The following CDK14 variants were observed in gnomAD, a reference collection of about 807,000 sequenced individuals.
CDK14 encodes the protein cyclin-dependent kinase 14.
A neutral mutation model predicts 60.7 loss-of-function variants in CDK14; 34 were observed. The observed-to-expected ratio is 0.56, with a 90% CI of 0.43 to 0.75. The LOEUF (loss-of-function observed/expected upper bound fraction) is 0.75. Among genes scored for constraint, CDK14 ranks in the 30% least tolerant of loss-of-function variants. CDK14 has a pLI of 0.00. For missense variants in CDK14, 482 were observed against 564.1 expected (o/e 0.85, Z 1.47); for synonymous variants, 197 against 203.7 (o/e 0.97, Z 0.28).
chr7:90,818,861 T>C (rs1323921916), intron 5 of CDK14, among the ~76,000 whole-genome samples: 1 of 138,416 alleles, frequency 7.2e-6, no homozygotes, highest in Non-Finnish European at 1.5e-5. Flanking sequence ...ATATTTTCTC[T>C]CTCTCTATGT....
rs181848926 is a variant in CDK14 at position 90,651,214 on chromosome 7, A to T, written c.123+46965A>T. 3.9e-3 allele frequency among the ~76,000 whole-genome samples: 587 copies of T among 152,180 alleles called. 3 individuals carry two copies. Among genetic ancestry groups the T allele is most frequent in the Non-Finnish European group, 6.2e-3 (423 of 67,992 alleles). ...ATTCCTAGGTATTTTATTCTCTTTG[A>T]AGCAATTGTGAATGGGAGTTCACTC... On this transcript the variant is annotated intron_variant, in intron 2 of 14. Transcript: ENST00000380050.
At chr7:90,812,814 G>C (rs1264287663) in intron 5 of CDK14, among the ~76,000 whole-genome samples, 1 of 152,092 alleles carries the variant, frequency 6.6e-6, no homozygotes, top group Non-Finnish European at 1.5e-5. Flanking sequence ...TAGCTGTTGG[G>C]AATATCTGCT....
chr7:90,959,104 A>G (rs1161351499), intron 9 of CDK14, among the ~76,000 whole-genome samples: 2 of 152,156 alleles, frequency 1.3e-5, no homozygotes, highest in East Asian at 3.9e-4. Context: ...CTTTCTGCCA[A>G]TTTGCTTTGA....
intron 4 of CDK14, among the ~76,000 whole-genome samples, chr7:90,778,922 C>T (rs978056322): frequency 8.2e-5 from 12 of 147,114 alleles, no homozygotes; most frequent in Non-Finnish European, 7.4e-5. Context: ...TCTCTCTTTT[C>T]TCTCTTTCTT....
chr7:90,854,471 A>G (rs2117191207), intron 5 of CDK14, among the ~76,000 whole-genome samples: 1 of 152,296 alleles, frequency 6.6e-6, no homozygotes, highest in Non-Finnish European at 1.5e-5. Flanking sequence ...TTGAGGCTGC[A>G]ATGAGCTGTG....
intron 4 of CDK14, among the ~76,000 whole-genome samples, chr7:90,764,365 A>G (rs951453634): frequency 6.6e-6 from 1 of 152,218 alleles, no homozygotes; most frequent in African/African-American, 2.4e-5. Context: ...ATGTGAAAGA[A>G]TTAACAAGGT....
intron 7 of CDK14, among the ~76,000 whole-genome samples, chr7:90,907,708 A>G (rs536279882): frequency 6.6e-6 from 1 of 152,194 alleles, no homozygotes; most frequent in African/African-American, 2.4e-5. Context: ...CATAAAGCTG[A>G]TTCTTATTTT....
chr7:90,797,226 A>G (rs1313454990), intron 5 of CDK14, among the ~76,000 whole-genome samples: 2 of 151,714 alleles, frequency 1.3e-5, no homozygotes, highest in African/African-American at 2.4e-5. Flanking sequence ...GTAAGGTGTC[A>G]TGGCCCTCCA....
At chr7:91,110,596 T>C (rs752210043) in intron 12 of CDK14, among the ~76,000 whole-genome samples, 1 of 152,206 alleles carries the variant, frequency 6.6e-6, no homozygotes, top group Admixed American at 6.5e-5. Context: ...AGTTAAGTAC[T>C]TGTGCACCAA....
chr7:91,133,439 A>G (rs1445306529), intron 14 of CDK14, among the ~76,000 whole-genome samples: 1 of 152,208 alleles, frequency 6.6e-6, no homozygotes, highest in Non-Finnish European at 1.5e-5. Flanking sequence ...AACAGATTAA[A>G]CAAATTATTA....
chr7:91,174,038 C>T (rs965857498), intron 14 of CDK14, among the ~76,000 whole-genome samples: 14 of 152,272 alleles, frequency 9.2e-5, no homozygotes, highest in African/African-American at 2.2e-4. Flanking sequence ...CAGTAACCTC[C>T]GCAGACTTAA....
chr7:90,767,384 A>G (rs1447452154), intron 4 of CDK14, among the ~76,000 whole-genome samples: 2 of 152,070 alleles, frequency 1.3e-5, no homozygotes, highest in Admixed American at 6.5e-5. Context: ...CTCTGTATCC[A>G]TGCTGTTTTT....
chr7:91,150,591 A>T (rs1800803938), intron 14 of CDK14, among the ~76,000 whole-genome samples: 1 of 152,254 alleles, frequency 6.6e-6, no homozygotes, highest in Non-Finnish European at 1.5e-5. Flanking sequence ...TATTTAGTAT[A>T]TAATCATTTT....
intron 2 of CDK14, among the ~76,000 whole-genome samples, chr7:90,707,829 AC>A (rs1435445435): frequency 6.6e-6 from 1 of 152,170 alleles, no homozygotes; most frequent in East Asian, 1.9e-4. Context: ...TATTATTTAT[AC>A]TGAATAGAGC....
At chr7:90,653,013 G>A (rs1800676656) in intron 2 of CDK14, among the ~76,000 whole-genome samples, 1 of 152,118 alleles carries the variant, frequency 6.6e-6, no homozygotes, top group South Asian at 2.1e-4. Flanking sequence ...TGACCTGTGT[G>A]GATTACACCA....
intron 2 of CDK14, among the ~76,000 whole-genome samples, chr7:90,634,290 C>G (rs1229052250): frequency 1.9e-5 from 2 of 107,508 alleles, no homozygotes; most frequent in African/African-American, 7.3e-5. Flanking sequence ...CCCCCCTCCC[C>G]CCACCCCACA....
At chr7:90,664,650 G>T (rs1206396685) in intron 2 of CDK14, among the ~76,000 whole-genome samples, 1 of 152,112 alleles carries the variant, frequency 6.6e-6, no homozygotes, top group East Asian at 1.9e-4. Context: ...GGACATGGAT[G>T]AAACTGGAAA....
At chr7:90,903,533 A>G (rs1368083022) in intron 7 of CDK14, among the ~76,000 whole-genome samples, 2 of 152,152 alleles carry the variant, frequency 1.3e-5, no homozygotes, top group Non-Finnish European at 1.5e-5. Context: ...GAAGGTAGAA[A>G]GTAGAATGAT....
chr7:90,730,900 T>C (rs1802834105), intron 3 of CDK14, among the ~76,000 whole-genome samples: 1 of 146,284 alleles, frequency 6.8e-6, no homozygotes, highest in Non-Finnish European at 1.5e-5. Context: ...GCCATTGCTT[T>C]TGGTGTTTTA....
Sources: allele counts gnomAD v4.1 joint callset (sites outside exome capture counted in the v4.1 genomes callset), GRCh38; gene constraint gnomAD v4.1.1; transcripts MANE v1.5; gene names NCBI Gene and HGNC (gene_info 2026-07-23, HGNC 2026-07-21).